EXOC6B: variants seen among roughly 807,000 people sequenced by gnomAD.
EXOC6B encodes exocyst complex component 6B, also known as SEC15 homolog B.
In EXOC6B, 54 loss-of-function variants were observed where a neutral mutation model predicts 113.5. The ratio of observed to expected loss-of-function variants is 0.48; its 90% confidence interval spans 0.38 to 0.60. The LOEUF is 0.60. Among genes scored for constraint, EXOC6B ranks in the 20% least tolerant of loss-of-function variants. The probability of loss-of-function intolerance (pLI) is 0.00; values close to 1 mark genes in which losing one functional copy is unlikely to be tolerated. For synonymous variants in EXOC6B, 357 were observed against 339.0 expected, an observed-to-expected ratio of 1.05 and a Z score of -0.58; for missense variants, 797 against 977.5, an observed-to-expected ratio of 0.82 and a Z score of 2.46.
intron 17 of EXOC6B, among the ~76,000 whole-genome samples, chr2:72,466,174 G>A (rs761604615): frequency 8.6e-5 from 13 of 151,794 alleles, no homozygotes; most frequent in Non-Finnish European, 1.9e-4. Flanking sequence ...GTGAAACCCT[G>A]TCTCTACTAA....
intron 1 of EXOC6B, among the ~76,000 whole-genome samples, chr2:72,807,438 T>C (rs1685639376): frequency 6.6e-6 from 1 of 152,176 alleles, no homozygotes; most frequent in Non-Finnish European, 1.5e-5. Flanking sequence ...GTAGTATAGT[T>C]TGAAGTCAGA....
chr2:72,345,514 AT>A (rs950123974), intron 19 of EXOC6B, among the ~76,000 whole-genome samples: 1 of 152,202 alleles, frequency 6.6e-6, no homozygotes, highest in African/African-American at 2.4e-5. Flanking sequence ...GAAATGGGCT[AT>A]CAAGCTATGA....
intron 6 of EXOC6B, among the ~76,000 whole-genome samples, chr2:72,663,691 C>T (rs1675181409): frequency 6.6e-6 from 1 of 151,472 alleles, no homozygotes; most frequent in Non-Finnish European, 1.5e-5. Context: ...TTGTCAGGGA[C>T]TGGGAAAGGG....
At chr2:72,682,806 T>C (rs1676806200) in intron 6 of EXOC6B, among the ~76,000 whole-genome samples, 1 of 152,142 alleles carries the variant, frequency 6.6e-6, no homozygotes, top group African/African-American at 2.4e-5. Flanking sequence ...TTCCATGGTA[T>C]TATCTTATAT....
intron 19 of EXOC6B, among the ~76,000 whole-genome samples, chr2:72,378,105 T>C (rs1425759866): frequency 1.3e-5 from 2 of 152,220 alleles, no homozygotes; most frequent in African/African-American, 2.4e-5. Context: ...TGTTTCCATG[T>C]ATGTTTCCAG....
intron 19 of EXOC6B, 103 bp from the exon 20 acceptor site, chr2:72,335,123 G>C (rs531899657): frequency 1.5e-5 from 15 of 1,024,814 alleles, no homozygotes; most frequent in Non-Finnish European, 1.7e-5. Flanking sequence ...GGGAGAGGAG[G>C]ACCAAGCTTC....
intron 18 of EXOC6B, among the ~76,000 whole-genome samples, chr2:72,419,720 ACTTTC>A (rs1419041746): frequency 6.6e-6 from 1 of 152,134 alleles, no homozygotes; most frequent in Non-Finnish European, 1.5e-5. Flanking sequence ...ATCTCTTGCT[ACTTTC>A]AAGGTTCTCT....
At chr2:72,709,748 T>C (rs759166860) in intron 6 of EXOC6B, among the ~76,000 whole-genome samples, 5 of 152,158 alleles carry the variant, frequency 3.3e-5, no homozygotes, top group South Asian at 2.1e-4. Context: ...AAATCAAATT[T>C]CTAAGAATAA....
At chr2:72,469,650 T>C (rs1413471971) in intron 17 of EXOC6B, among the ~76,000 whole-genome samples, 2 of 152,118 alleles carry the variant, frequency 1.3e-5, no homozygotes, top group African/African-American at 4.8e-5. Context: ...GGAATGTTAG[T>C]ATAATTCCTA....
At chr2:72,211,937 TA>T (rs946013353) in intron 20 of EXOC6B, among the ~76,000 whole-genome samples, 9 of 152,108 alleles carry the variant, frequency 5.9e-5, no homozygotes, top group Admixed American at 3.9e-4. Context: ...CCAAACCACA[TA>T]GCTCTCCCAA....
intron 18 of EXOC6B, among the ~76,000 whole-genome samples, chr2:72,439,920 TC>T (rs1298439533): frequency 4.6e-5 from 7 of 152,162 alleles, no homozygotes; most frequent in African/African-American, 1.7e-4. Context: ...ATTGGCCACT[TC>T]TCCATATGGC....
At chr2:72,602,754 A>C (rs910020936) in intron 6 of EXOC6B, among the ~76,000 whole-genome samples, 1 of 152,244 alleles carries the variant, frequency 6.6e-6, no homozygotes, top group African/African-American at 2.4e-5. Context: ...ACATAAAGAA[A>C]GATGAGCCCC....
At chr2:72,504,670 G>T (rs937259674) in intron 11 of EXOC6B, among the ~76,000 whole-genome samples, 2 of 152,128 alleles carry the variant, frequency 1.3e-5, no homozygotes, top group African/African-American at 4.8e-5. Context: ...GAGAAAAGTT[G>T]ATCCATGGGG....
intron 6 of EXOC6B, among the ~76,000 whole-genome samples, chr2:72,658,047 G>A (rs1374624455): frequency 6.7e-6 from 1 of 149,986 alleles, no homozygotes; most frequent in African/African-American, 2.4e-5. Flanking sequence ...CTACATATTG[G>A]AAAATAAAGT....
At chr2:72,356,823 ATAT>A (rs1373844638) in intron 19 of EXOC6B, among the ~76,000 whole-genome samples, 53 of 152,260 alleles carry the variant, frequency 3.5e-4, no homozygotes, top group Non-Finnish European at 1.5e-4. Context: ...CTGACTGAAA[ATAT>A]TATATCGCTG....
intron 1 of EXOC6B, among the ~76,000 whole-genome samples, chr2:72,757,787 G>GTTTTTTTTAAATTTTTTTTTAAAAT (rs1682512675): frequency 1.3e-5 from 2 of 151,982 alleles, no homozygotes; most frequent in Admixed American, 1.3e-4. Context: ...ATCACCACTG[G>GTTTTTTTTAAATTTTTTTTTAAAAT]TCAGAATTTT....
intron 6 of EXOC6B, among the ~76,000 whole-genome samples, chr2:72,679,081 T>A (rs1413371960): frequency 2.6e-5 from 4 of 152,144 alleles, no homozygotes; most frequent in African/African-American, 9.7e-5. Context: ...CTCTTTTTTT[T>A]TTTTAAACAG....
intron 6 of EXOC6B, among the ~76,000 whole-genome samples, chr2:72,698,765 A>G (rs1678075813): frequency 6.6e-6 from 1 of 152,228 alleles, no homozygotes; most frequent in Admixed American, 6.5e-5. Flanking sequence ...GGCTACTCAG[A>G]AAAGTATACC....
At position 72,579,940 on chromosome 2, in the gene EXOC6B, C is replaced by T. The variant is rs532455336; in HGVS notation, c.670-4272G>A. ...CTTACTCTGCAACTTATTAATTGGG[C>T]AGGTTACTTCTCTCTGCAATATCCT... On this transcript the variant is annotated intron_variant, in intron 6 of 21. Coordinates refer to ENST00000272427, the MANE Select transcript of EXOC6B (RefSeq NM_015189.3). Among the ~76,000 whole-genome samples, 12 of 151,902 alleles carry T rather than the reference C, an allele frequency of 7.9e-5. No individual in the cohort carries two copies. In the South Asian group the frequency reaches 2.1e-3, roughly 26 times the overall value.
Sources: allele counts gnomAD v4.1 joint callset (sites outside exome capture counted in the v4.1 genomes callset), GRCh38; gene constraint gnomAD v4.1.1; transcripts MANE v1.5; gene names NCBI Gene and HGNC (gene_info 2026-07-23, HGNC 2026-07-21).